DNAJC8: variants seen among roughly 807,000 people sequenced by gnomAD.
DNAJC8 encodes the protein DnaJ heat shock protein family (Hsp40) member C8, also known as dnaJ homolog subfamily C member 8.
DNAJC8 carries 24 observed loss-of-function variants against 43.2 expected under a neutral mutation model. The ratio of observed to expected loss-of-function variants is 0.56; its 90% CI spans 0.40 to 0.78. The LOEUF (loss-of-function observed/expected upper bound fraction) is 0.78, where lower values mean the gene tolerates loss of function less well. DNAJC8 is among the 30% of genes least tolerant of loss of function. DNAJC8 has a pLI of 0.00. For synonymous variants in DNAJC8, 83 were observed against 98.0 expected (o/e 0.85, Z 0.90); for missense variants, 207 against 299.4 (o/e 0.69, Z 2.28).
At chr1:28,204,958 G>A (rs954027538) in intron 7 of DNAJC8, among the ~76,000 whole-genome samples, 1 of 152,202 alleles carries the variant, frequency 6.6e-6, no homozygotes, top group Non-Finnish European at 1.5e-5. Flanking sequence ...GGGAGGTGGA[G>A]GTTGCAGTGA....
At chr1:28,228,348 C>CA (rs78440134) in intron 2 of DNAJC8, among the ~76,000 whole-genome samples, 29,764 of 74,392 alleles carry the variant, frequency 0.4, 5,357 homozygotes, top group African/African-American at 0.42. Context: ...GACTCCGTCT[C>CA]AAAAAAAAAA....
intron 6 of DNAJC8, among the ~76,000 whole-genome samples, chr1:28,207,754 T>C (rs1359628596): frequency 6.6e-6 from 1 of 151,918 alleles, no homozygotes; most frequent in Non-Finnish European, 1.5e-5. Flanking sequence ...ATAAAATGTT[T>C]TTTTAAAAAA....
chr1:28,208,163 G>A (rs538158613), intron 6 of DNAJC8, among the ~76,000 whole-genome samples, 179 bp downstream of exon 6: 7 of 152,218 alleles, frequency 4.6e-5, no homozygotes, highest in Admixed American at 2.0e-4. Flanking sequence ...CCGAGATCGC[G>A]CCATTGCCCT....
chr1:28,201,864 G>A (rs1009763234), intron 8 of DNAJC8, among the ~76,000 whole-genome samples: 7 of 151,442 alleles, frequency 4.6e-5, no homozygotes, highest in African/African-American at 1.7e-4. Context: ...ACATCAGGTG[G>A]ATCACCTGAG....
At chr1:28,217,168 A>G (rs1189647918) in intron 2 of DNAJC8, among the ~76,000 whole-genome samples, 2 of 149,996 alleles carry the variant, frequency 1.3e-5, no homozygotes, top group African/African-American at 4.9e-5. Context: ...GTCTTACTTT[A>G]TTACCCAGGC....
chr1:28,218,375 G>A (rs180878860), intron 2 of DNAJC8, among the ~76,000 whole-genome samples: 11 of 151,828 alleles, frequency 7.2e-5, no homozygotes, highest in Admixed American at 2.0e-4. Context: ...GATTACAGGC[G>A]TGAGCCACCG....
chr1:28,208,820 G>A (rs1235722621), intron 5 of DNAJC8: 2 of 153,352 alleles, frequency 1.3e-5, no homozygotes, highest in Admixed American at 6.5e-5. Flanking sequence ...TTATGTCCAA[G>A]TAGTTTTTCT....
rs79754511 is a variant in DNAJC8 at position 28,209,620 on chromosome 1, A to G, written c.399+352T>C. On this transcript the variant is annotated intron_variant, in intron 5 of 8. Transcript: ENST00000263697. ...TTGCAAACCCTTCACAGGGACAAGA[A>G]TAAAAATCAAGAGTCAAGAGTCACA... Among the ~76,000 whole-genome samples the G allele has an allele frequency of 4.1e-3, 624 of 152,320 alleles. 7 individuals are homozygous for G. The highest frequency in any genetic ancestry group is 0.015 in the African/African-American group (610 of 41,566).
intron 2 of DNAJC8, among the ~76,000 whole-genome samples, chr1:28,224,122 C>T (rs1646917595): frequency 6.6e-6 from 1 of 152,132 alleles, no homozygotes; most frequent in African/African-American, 2.4e-5. Context: ...AAAATTACAA[C>T]GTACTGAATA....
chr1:28,201,097 C>T lies in DNAJC8; in HGVS notation c.*151G>A. ...CTCATTTCAATGTACAAAAGAATTA[C>T]TCTGATCGATATTAAATCGTATTGA... On this transcript the variant is annotated 3_prime_UTR_variant, in exon 9 of 9. Coordinates refer to ENST00000263697, the MANE Select transcript of DNAJC8 (RefSeq NM_014280.3). The T allele has an allele frequency of 1.7e-6, 2 of 1,156,624 alleles. No homozygotes were observed. The highest frequency in any genetic ancestry group is 2.4e-6 in the Non-Finnish European group (2 of 823,716). 71.6% of individuals were successfully genotyped at this position (1,156,624 alleles called of 1,614,324 possible).
chr1:28,231,741 C>T (rs1013203745), intron 1 of DNAJC8, among the ~76,000 whole-genome samples: 1 of 152,094 alleles, frequency 6.6e-6, no homozygotes, highest in African/African-American at 2.4e-5. Flanking sequence ...GAATTCAATC[C>T]CAGTCCAGTC....
chr1:28,210,475 C>T, intron 4 of DNAJC8, 96 bp downstream of exon 4: 1 of 1,134,156 alleles, frequency 8.8e-7, no homozygotes, highest in South Asian at 1.4e-5. Context: ...GACCAGAAGA[C>T]AAAACTATAA....
intron 6 of DNAJC8, among the ~76,000 whole-genome samples, chr1:28,206,103 G>T (rs1027190469): frequency 6.6e-5 from 10 of 151,910 alleles, no homozygotes; most frequent in Admixed American, 6.6e-4. Flanking sequence ...GAGGTGGGAG[G>T]ATCGCTTGAG....
intron 5 of DNAJC8, chr1:28,208,722 T>C (rs510379): frequency 0.4 from 76,696 of 190,388 alleles, 17,208 homozygotes; most frequent in African/African-American, 0.61. Context: ...ACAGACTACT[T>C]ATTTACCTTT....
intron 2 of DNAJC8, among the ~76,000 whole-genome samples, chr1:28,225,239 G>C (rs1245797823): frequency 6.6e-6 from 1 of 151,174 alleles, no homozygotes; most frequent in Non-Finnish European, 1.5e-5. Context: ...TTCAGTAAGA[G>C]GATATTTGTA....
chr1:28,202,211 T>C (rs1354563432), intron 8 of DNAJC8, among the ~76,000 whole-genome samples: 1 of 152,214 alleles, frequency 6.6e-6, no homozygotes, highest in African/African-American at 2.4e-5. Context: ...GTAATAATCA[T>C]CACAACACTG....
chr1:28,208,230 A>G, intron 6 of DNAJC8, 112 bp downstream of exon 6: 1 of 671,914 alleles, frequency 1.5e-6, no homozygotes, highest in Non-Finnish European at 2.3e-6. Context: ...AAATAAATAA[A>G]TAAATGTGAA....
intron 2 of DNAJC8, among the ~76,000 whole-genome samples, chr1:28,221,313 T>G (rs1285665542): frequency 1.3e-5 from 2 of 151,940 alleles, no homozygotes; most frequent in African/African-American, 4.8e-5. Flanking sequence ...CACTCCAGCC[T>G]GGGCAACAAG....
chr1:28,217,637 A>AG (rs1319703192), intron 2 of DNAJC8, among the ~76,000 whole-genome samples: 10 of 152,110 alleles, frequency 6.6e-5, no homozygotes, highest in South Asian at 6.2e-4. Context: ...AAATATTCAT[A>AG]GGAAAACCAC....
Sources: gnomAD v4.1 joint callset for allele counts (sites outside exome capture counted in the v4.1 genomes callset) on GRCh38, gnomAD v4.1.1 for gene constraint, MANE v1.5 for transcripts, NCBI Gene and HGNC (gene_info 2026-07-23, HGNC 2026-07-21) for gene names.